The following SULF1 variants were observed in gnomAD, a reference collection of about 807,000 sequenced individuals.
SULF1 encodes sulfatase 1.
Under a neutral mutation model 110.5 loss-of-function variants are expected in SULF1, and 46 were observed. The ratio of observed to expected loss-of-function variants is 0.42; its 90% CI spans 0.33 to 0.53. The LOEUF is 0.53. Among genes scored for constraint, SULF1 ranks in the 20% least tolerant of loss-of-function variants. The pLI is 0.12. For synonymous variants in SULF1, 371 were observed against 387.1 expected (o/e 0.96, Z 0.49); for missense variants, 941 against 1,094.2 (o/e 0.86, Z 1.98).
In SULF1 at chr8:69,638,800, G is replaced by A. The variant is rs368328719; in HGVS notation, c.2493G>A (p.Glu831=). The change falls in exon 21 of 23, where the codon GAG becomes GAA. Residue 831 remains glutamate, a synonymous_variant. Transcript: ENST00000402687. ...ATCAGCTACACGTACAACTAATGGA[G>A]CTCAGAAGCTGTCAAGGATATAAGC... ...ILNQLHVQLM[E]LRSCQGYKQC... is the part of the protein sequence containing the mutation. 1.9e-5 allele frequency: 30 copies of A among 1,614,088 alleles called. No homozygotes were observed. Among genetic ancestry groups the A allele is most frequent in the Non-Finnish European group, 2.4e-5 (28 of 1,180,010 alleles).
In SULF1 at chr8:69,576,140, C is replaced by T; in HGVS notation, c.343C>T (p.Pro115Ser). 6.2e-7 allele frequency: 1 copy of T among 1,614,188 alleles called. No homozygotes were observed. Among genetic ancestry groups the T allele is most frequent in the Non-Finnish European group, 8.5e-7 (1 of 1,180,040 alleles). Reference protein sequence around the residue: ...VYTNNENCSSPSWQAMHEPRT... With the variant: ...VYTNNENCSSSSWQAMHEPRT... ...CACCAACAACGAGAACTGCTCTTCCCCCTCGTGGCAGGCCATGCATGAGCC... is the reference window on the plus strand; with the variant it reads ...CACCAACAACGAGAACTGCTCTTCCTCCTCGTGGCAGGCCATGCATGAGCC... Residue 115 changes from proline to serine, a missense_variant, in exon 6 of 23, where the codon CCC becomes TCC. Pro to Ser is a moderately conservative substitution (Grantham distance 74, BLOSUM62 -1). Around this residue, in one of 3 missense-constraint regions of SULF1, gnomAD observed 822 missense variants for 934.3 expected, o/e 0.88. Coordinates refer to ENST00000402687, the MANE Select transcript of SULF1 (RefSeq NM_001128205.2).
intron 5 of SULF1, among the ~76,000 whole-genome samples, chr8:69,570,837 G>T (rs1024818529): frequency 6.6e-6 from 1 of 152,228 alleles, no homozygotes; most frequent in Non-Finnish European, 1.5e-5. Context: ...AGCAATGGAA[G>T]ATGTTCTCAG....
chr8:69,555,245 A>ATCTGCC (rs1484244663), intron 3 of SULF1, among the ~76,000 whole-genome samples: 1 of 152,154 alleles, frequency 6.6e-6, no homozygotes, highest in Non-Finnish European at 1.5e-5. Context: ...CTGGTCCTCT[A>ATCTGCC]TCTGCCTCTG....
At chr8:69,559,305 C>A (rs138208760) in intron 3 of SULF1, among the ~76,000 whole-genome samples, 199 of 152,296 alleles carry the variant, frequency 1.3e-3, no homozygotes, top group African/African-American at 4.4e-3. Context: ...ACTTCAAATG[C>A]ATTTTTTATT....
chr8:69,623,942 A>G lies in SULF1; in HGVS notation c.1595A>G (p.Lys532Arg), dbSNP rs149298828. ...GTAATGTATCTTCCCTTACTTCTAG[A>G]GTACAAGCCCAGATTTGTCCATACT... ...RQFLRNQGTP[K>R]YKPRFVHTRQ... The change falls in exon 15 of 23, where the codon AAG (lysine) becomes AGG (arginine). Residue 532 changes from lysine (K) to arginine (R), a missense_variant and splice_region_variant. Lys to Arg is a conservative substitution (Grantham distance 26, BLOSUM62 2). This residue lies in a region of SULF1 where 822 missense variants were observed against 934.3 expected (regional missense o/e 0.88). Transcript: ENST00000402687. The G allele has an allele frequency of 3.3e-4, 527 of 1,611,000 alleles. 1 individual carries two copies. Among genetic ancestry groups the G allele is most frequent in the Non-Finnish European group, 4.1e-4 (484 of 1,178,446 alleles).
At chr8:69,552,002 G>T (rs1461429958) in intron 3 of SULF1, among the ~76,000 whole-genome samples, 2 of 152,202 alleles carry the variant, frequency 1.3e-5, no homozygotes, top group Non-Finnish European at 2.9e-5. Context: ...TGAGGCAGGA[G>T]AATCACTTGA....
chr8:69,534,605 C>A (rs1164790746), intron 3 of SULF1, among the ~76,000 whole-genome samples: 1 of 152,144 alleles, frequency 6.6e-6, no homozygotes, highest in Non-Finnish European at 1.5e-5. Context: ...TCACACTTAA[C>A]ATTGGTGAAG....
intron 3 of SULF1, among the ~76,000 whole-genome samples, chr8:69,538,939 C>A (rs1813664308): frequency 6.6e-6 from 1 of 152,200 alleles, no homozygotes; most frequent in Non-Finnish European, 1.5e-5. Flanking sequence ...GATCTGCCGG[C>A]TTCGGCCTCC....
In SULF1 at chr8:69,646,448, C is replaced by T. The variant is rs569774515; in HGVS notation, c.2585+5607C>T. ...CTCATTTTTTTTTTTTTTTTTAAGA[C>T]GGAGTCTCACACTGTCGCCTGGGCT... On this transcript the variant is annotated intron_variant, in intron 22 of 22. Transcript: ENST00000402687. 6.8e-5 allele frequency among the ~76,000 whole-genome samples: 10 copies of T among 146,308 alleles called. No homozygotes were observed. The South Asian group carries it at 1.1e-3, about 16-fold the overall frequency.
At chr8:69,580,923 A>T (rs1055030865) in intron 6 of SULF1, among the ~76,000 whole-genome samples, 2 of 152,182 alleles carry the variant, frequency 1.3e-5, no homozygotes, top group Non-Finnish European at 2.9e-5. Context: ...AAGTATATTT[A>T]TTCTCTAATA....
intron 19 of SULF1, 185 bp from the exon 20 acceptor site, chr8:69,638,317 C>A: frequency 1.5e-6 from 1 of 681,308 alleles, no homozygotes. Flanking sequence ...CCATTTTCAC[C>A]TAGTTTCACA....
intron 2 of SULF1, among the ~76,000 whole-genome samples, chr8:69,498,453 A>G (rs1002910309): frequency 3.3e-5 from 5 of 152,188 alleles, no homozygotes; most frequent in Admixed American, 2.0e-4. Context: ...CCACCTTCCA[A>G]TAGTTACTGG....
At chr8:69,510,879 A>G (rs1811510430) in intron 3 of SULF1, among the ~76,000 whole-genome samples, 1 of 151,912 alleles carries the variant, frequency 6.6e-6, no homozygotes, top group East Asian at 1.9e-4. Context: ...AGACTCCCAA[A>G]GTGCTGGGAT....
chr8:69,642,955 G>T (rs960723908), intron 22 of SULF1, among the ~76,000 whole-genome samples: 1 of 152,054 alleles, frequency 6.6e-6, no homozygotes, highest in Non-Finnish European at 1.5e-5. Context: ...GGCAACTTTA[G>T]TTGTTGAAAG....
At chr8:69,602,393 A>G (rs1365126105) in intron 10 of SULF1, among the ~76,000 whole-genome samples, 5 of 152,238 alleles carry the variant, frequency 3.3e-5, no homozygotes, top group African/African-American at 7.2e-5. Flanking sequence ...GGCCTTGTCA[A>G]TCATCTCAGG....
intron 3 of SULF1, among the ~76,000 whole-genome samples, chr8:69,513,921 T>C (rs1486261098): frequency 2.0e-5 from 3 of 152,236 alleles, no homozygotes; most frequent in Non-Finnish European, 4.4e-5. Context: ...TTTGTTGTTG[T>C]CTAAAAAGAT....
intron 5 of SULF1, among the ~76,000 whole-genome samples, chr8:69,566,226 C>A (rs1040144444): frequency 4.6e-5 from 7 of 152,084 alleles, no homozygotes; most frequent in Non-Finnish European, 8.8e-5. Context: ...TTGAAATGGA[C>A]CCATAAGGCT....
In SULF1 at chr8:69,493,050, C is replaced by G. The variant is rs1810044931; in HGVS notation, c.-466C>G. 6.6e-6 allele frequency: 1 copy of G among 152,650 alleles called. No individual in the cohort carries two copies. Among genetic ancestry groups the G allele is most frequent in the South Asian group, 2.1e-4 (1 of 4,828 alleles). The allele number at this position is 152,650 out of a possible 1,614,324, so 9.5% of individuals were successfully genotyped here. ...CGGAGGAGGAAGGAAGTCCCGCTGCCACCTTATCTCTGCTCCTCTGCCTCC... is the reference window on the plus strand; with the variant it reads ...CGGAGGAGGAAGGAAGTCCCGCTGCGACCTTATCTCTGCTCCTCTGCCTCC... On this transcript the variant is annotated 5_prime_UTR_variant, in exon 1 of 23. Coordinates refer to ENST00000402687, the MANE Select transcript of SULF1 (RefSeq NM_001128205.2).
chr8:69,470,567 G>C (rs903422093), intron 1 of SULF1, among the ~76,000 whole-genome samples: 1 of 151,916 alleles, frequency 6.6e-6, no homozygotes, highest in Non-Finnish European at 1.5e-5. Flanking sequence ...GTGGCCCATA[G>C]CTACCATCCC....
Sources: gnomAD v4.1 joint callset for allele counts (sites outside exome capture counted in the v4.1 genomes callset) on GRCh38, gnomAD v4.1.1 for gene constraint, gnomAD v4.1.1 regional missense constraint, MANE v1.5 for transcripts, NCBI Gene and HGNC (gene_info 2026-07-23, HGNC 2026-07-21) for gene names.